DCC: variants seen among roughly 807,000 people sequenced by gnomAD.
DCC encodes netrin receptor DCC.
Under a neutral mutation model 172.5 loss-of-function variants are expected in DCC, and 58 were observed. The ratio of observed to expected loss-of-function variants is 0.34; its 90% CI spans 0.27 to 0.42. DCC has a LOEUF of 0.42. Among genes scored for constraint, DCC ranks in the 10% least tolerant of loss-of-function variants. The pLI is 1.00. For synonymous variants in DCC, 709 were observed against 644.5 expected (o/e 1.10, Z -1.52); for missense variants, 1,740 against 1,791.0 (o/e 0.97, Z 0.51).
chr18:53,104,045 ATT>A (rs2043210621), intron 7 of DCC, among the ~76,000 whole-genome samples: 1 of 152,064 alleles, frequency 6.6e-6, no homozygotes, highest in African/African-American at 2.4e-5. Context: ...AAATGCCAAA[ATT>A]CACAAACAAC....
chr18:52,661,791 A>T (rs1568280309), intron 1 of DCC, among the ~76,000 whole-genome samples: 1 of 152,294 alleles, frequency 6.6e-6, no homozygotes, highest in Non-Finnish European at 1.5e-5. Flanking sequence ...GAAATGGAGA[A>T]GTCTGCTGAA....
At chr18:53,101,752 G>A (rs1017615069) in intron 7 of DCC, among the ~76,000 whole-genome samples, 1 of 152,032 alleles carries the variant, frequency 6.6e-6, no homozygotes, top group Admixed American at 6.6e-5. Context: ...TGCCATCAAG[G>A]TTCTGGTGAT....
At chr18:52,568,525 C>A (rs2033217805) in intron 1 of DCC, among the ~76,000 whole-genome samples, 1 of 152,138 alleles carries the variant, frequency 6.6e-6, no homozygotes, top group Admixed American at 6.6e-5. Flanking sequence ...GACCAGCATG[C>A]AGTGTGTGCT....
chr18:52,731,447 T>C (rs977282851), intron 1 of DCC, among the ~76,000 whole-genome samples: 7 of 152,244 alleles, frequency 4.6e-5, no homozygotes, highest in African/African-American at 1.7e-4. Flanking sequence ...ACAAAACAGA[T>C]ATTCAGTCAC....
intron 1 of DCC, among the ~76,000 whole-genome samples, chr18:52,398,987 T>TA (rs1986338115): frequency 6.6e-6 from 1 of 151,866 alleles, no homozygotes; most frequent in Non-Finnish European, 1.5e-5. Flanking sequence ...AACAAATAAA[T>TA]AAATTTGCCA....
rs371304658 is a variant in DCC at position 52,732,748 on chromosome 18, G to A, written c.92-19306G>A. Among the ~76,000 whole-genome samples the A allele has an allele frequency of 8.9e-4, 136 of 152,206 alleles. 3 individuals are homozygous for A. In the South Asian group the frequency reaches 0.027, roughly 30 times the overall value. Reference sequence around the variant, plus strand: ...AAATTATAATTTGTCACATCCTCAGGCTCAGTTTTCTCCTCTCTAAAAATC... The same window carrying A: ...AAATTATAATTTGTCACATCCTCAGACTCAGTTTTCTCCTCTCTAAAAATC... On this transcript the variant is annotated intron_variant, in intron 1 of 28. Transcript: ENST00000442544.
intron 5 of DCC, among the ~76,000 whole-genome samples, chr18:53,009,394 C>T (rs1041818734): frequency 1.3e-5 from 2 of 151,778 alleles, no homozygotes; most frequent in Admixed American, 6.6e-5. Flanking sequence ...CATTGGAAGC[C>T]TGGGATTTAC....
At chr18:52,618,749 A>G (rs2034428688) in intron 1 of DCC, among the ~76,000 whole-genome samples, 1 of 152,186 alleles carries the variant, frequency 6.6e-6, no homozygotes, top group African/African-American at 2.4e-5. Context: ...TATTTTATCA[A>G]TACCACCTAT....
rs572007775 is a variant in DCC at position 52,769,627 on chromosome 18, T to C, written c.412+17253T>C. Among the ~76,000 whole-genome samples the C allele has an allele frequency of 1.1e-4, 17 of 152,300 alleles. 1 individual carries two copies. The South Asian group carries it at 3.5e-3, about 32-fold the overall frequency. ...TTTCAAGGATCATGCCTTTACATATTGTTGTATCTCAAAAGTTGTCTAAAA... is the reference window on the plus strand; with the variant it reads ...TTTCAAGGATCATGCCTTTACATATCGTTGTATCTCAAAAGTTGTCTAAAA... On this transcript the variant is annotated intron_variant, in intron 2 of 28. Coordinates refer to ENST00000442544, the MANE Select transcript of DCC (RefSeq NM_005215.4).
intron 14 of DCC, among the ~76,000 whole-genome samples, chr18:53,331,591 T>A (rs1243427915): frequency 1.3e-5 from 2 of 152,204 alleles, no homozygotes; most frequent in Non-Finnish European, 2.9e-5. Context: ...TTAGGTTATC[T>A]CAGTATTTCA....
chr18:53,515,410 A>G (rs1045468603), intron 27 of DCC, among the ~76,000 whole-genome samples: 3 of 150,692 alleles, frequency 2.0e-5, no homozygotes, highest in African/African-American at 7.3e-5. Context: ...GCCCTCTCTC[A>G]CCACTCGTAT....
At chr18:52,903,044 C>T (rs956410571) in intron 2 of DCC, among the ~76,000 whole-genome samples, 1 of 152,194 alleles carries the variant, frequency 6.6e-6, no homozygotes, top group Admixed American at 6.5e-5. Flanking sequence ...GCCTTTGTAT[C>T]GAATTCTTCC....
chr18:52,816,128 T>TG (rs772239914), intron 2 of DCC, among the ~76,000 whole-genome samples: 3 of 152,130 alleles, frequency 2.0e-5, no homozygotes, highest in Non-Finnish European at 2.9e-5. Flanking sequence ...ATTTTTAAGA[T>TG]GAAAAACTAA....
intron 5 of DCC, among the ~76,000 whole-genome samples, chr18:53,060,456 A>G (rs1406270085): frequency 1.3e-5 from 2 of 152,182 alleles, no homozygotes; most frequent in East Asian, 3.9e-4. Context: ...ATAGAAATAA[A>G]GATATCAAGA....
At chr18:53,297,852 G>A (rs949244295) in intron 12 of DCC, among the ~76,000 whole-genome samples, 1 of 152,188 alleles carries the variant, frequency 6.6e-6, no homozygotes, top group East Asian at 1.9e-4. Flanking sequence ...TTTGTAATCT[G>A]CTGACGCTTG....
chr18:53,428,344 A>ATAT (rs1911216780), intron 21 of DCC, among the ~76,000 whole-genome samples: 21 of 64,862 alleles, frequency 3.2e-4, no homozygotes, highest in South Asian at 2.0e-3. Flanking sequence ...ATTGTATATA[A>ATAT]TATAATATAT....
intron 5 of DCC, among the ~76,000 whole-genome samples, chr18:52,976,540 G>C (rs1236410256): frequency 6.6e-6 from 1 of 152,152 alleles, no homozygotes; most frequent in Non-Finnish European, 1.5e-5. Flanking sequence ...ATGAGGTTAA[G>C]ACTTCAATAT....
At chr18:52,770,053 T>C (rs1322096333) in intron 2 of DCC, among the ~76,000 whole-genome samples, 1 of 152,218 alleles carries the variant, frequency 6.6e-6, no homozygotes, top group Non-Finnish European at 1.5e-5. Context: ...TTTAAAGCAT[T>C]TGAAGTTGGT....
intron 12 of DCC, among the ~76,000 whole-genome samples, chr18:53,226,981 G>A (rs1303556999): frequency 6.1e-4 from 49 of 79,696 alleles, no homozygotes; most frequent in Admixed American, 4.3e-3. Context: ...GCAGAGTCTC[G>A]CTCTGTCACC....
Sources: gnomAD v4.1 joint callset for allele counts (sites outside exome capture counted in the v4.1 genomes callset) on GRCh38, gnomAD v4.1.1 for gene constraint, MANE v1.5 for transcripts, NCBI Gene and HGNC (gene_info 2026-07-23, HGNC 2026-07-21) for gene names.